Variants in SMARCD3 observed in about 807,000 individuals in gnomAD.
The protein encoded by SMARCD3 is SWI/SNF related BAF chromatin remodeling complex subunit D3, also known as SWI/SNF-related matrix-associated actin-dependent regulator of chromatin subfamily D member 3.
SMARCD3 carries 14 observed loss-of-function variants against 58.0 expected under a neutral mutation model. The observed-to-expected ratio is 0.24, with a 90% CI of 0.16 to 0.38. The LOEUF is 0.38. SMARCD3 is among the 10% of genes least tolerant of loss of function. SMARCD3 has a pLI of 1.00. For missense variants in SMARCD3, 408 were observed against 636.9 expected (o/e 0.64, Z 3.87); for synonymous variants, 253 against 253.8 (o/e 1.00, Z 0.03).
chr7:151,275,185 C>T (rs780961796), exon 2 of SMARCD3: 5 of 1,604,182 alleles, frequency 3.1e-6, no homozygotes, highest in South Asian at 1.1e-5. Flanking sequence ...GAGAGTCATC[C>T]AGTGCCCCCT....
At position 151,239,671 on chromosome 7, in the gene SMARCD3, T is replaced by C; in HGVS notation, c.1249A>G (p.Lys417Glu). Residue 417 changes from lysine to glutamate, a missense_variant, in exon 11 of 13, where the codon AAA (lysine) becomes GAA (glutamate). Coordinates refer to ENST00000262188, the MANE Select transcript of SMARCD3 (RefSeq NM_001003801.2). This position sits in a 1 kb window ranked among gnomAD's most constrained non-coding sequence, Gnocchi z 7.0. ...DFMLSFSRDP[K>E]GYVQDLLRSQ... ...CGGAGCAGGTCTTGGACATAGCCTT[T>C]GGGGTCTCTGGAGAAGCTTAGCATG... 6.2e-7 allele frequency: 1 copy of C among 1,614,102 alleles called. No individual in the cohort carries two copies. Among genetic ancestry groups the C allele is most frequent in the Non-Finnish European group, 8.5e-7 (1 of 1,180,016 alleles).
At position 151,241,765 on chromosome 7, in the gene SMARCD3, G is replaced by A. The variant is rs1379567778; in HGVS notation, c.777+112C>T. The stretch of plus-strand genomic sequence containing the variant: ...TTGATTGAGGAAACATGCCCCTGGG[G>A]AAGGATAGGTTTGGGAGGGGAAGGA... On this transcript the variant is annotated intron_variant, in intron 7 of 12. Transcript: ENST00000262188. This position sits in a 1 kb window ranked among gnomAD's most constrained non-coding sequence, Gnocchi z 5.3. 2 of 1,384,102 alleles carry A rather than the reference G, an allele frequency of 1.4e-6. No homozygotes were observed. Among genetic ancestry groups the A allele is most frequent in the African/African-American group, 1.4e-5 (1 of 70,254 alleles). 85.7% of individuals were successfully genotyped at this position (1,384,102 alleles called of 1,614,324 possible). A position where few individuals can be genotyped will look rare whatever the true frequency, so the allele number is the denominator to read the frequency against.
Position 151,238,884 on chromosome 7 carries a change from T to C in SMARCD3, c.*219A>G. ...GAATCCAAGGGAAGGGAATGGGGAG[T>C]CGTCCCGAGGGACCCACTGCCTCCC... On this transcript the variant is annotated 3_prime_UTR_variant, in exon 13 of 13. Transcript: ENST00000262188. The C allele has an allele frequency of 7.7e-7, 1 of 1,297,586 alleles. No individual in the cohort carries two copies. Among genetic ancestry groups the C allele is most frequent in the Non-Finnish European group, 1.1e-6 (1 of 939,662 alleles). 80.4% of individuals were successfully genotyped at this position (1,297,586 alleles called of 1,614,324 possible). A position where few individuals can be genotyped will look rare whatever the true frequency, so the allele number is the denominator to read the frequency against.
At position 151,245,585 on chromosome 7, in the gene SMARCD3, G is replaced by C. The variant is rs1050363047; in HGVS notation, c.165C>G (p.Ala55=). The change falls in exon 2 of 13, where the codon GCC becomes GCG. Residue 55 remains alanine, a synonymous_variant. Coordinates refer to ENST00000262188, the MANE Select transcript of SMARCD3 (RefSeq NM_001003801.2). This position sits in a 1 kb window ranked among gnomAD's most constrained non-coding sequence, Gnocchi z 6.2. ...CCGCGGGGGCCAGGCCGGGTCGCAC[G>C]GCGGGGCTGCCCATGTACGGGGAGC... ...PPGSPYMGSP[A]VRPGLAPAGM... 1 of 1,165,038 alleles carries C rather than the reference G, an allele frequency of 8.6e-7. No homozygotes were observed. Among genetic ancestry groups the C allele is most frequent in the African/African-American group, 1.6e-5 (1 of 63,058 alleles). 72.2% of individuals were successfully genotyped at this position (1,165,038 alleles called of 1,614,324 possible).
intron 2 of SMARCD3, among the ~76,000 whole-genome samples, chr7:151,272,670 G>A (rs545371523): frequency 6.6e-6 from 1 of 152,232 alleles, no homozygotes; most frequent in South Asian, 2.1e-4. Context: ...TCAAGAAACC[G>A]AACGCGCTAT....
At chr7:151,274,010 AGCCCCAG>A (rs1166750253) in intron 2 of SMARCD3, among the ~76,000 whole-genome samples, 1 of 152,254 alleles carries the variant, frequency 6.6e-6, no homozygotes, top group African/African-American at 2.4e-5. Context: ...TTCTGCCCAC[AGCCCCAG>A]GCCTCCCCGA....
chr7:151,239,520 C>T lies in SMARCD3; in HGVS notation c.1297-23G>A. 6.2e-7 allele frequency: 1 copy of T among 1,609,608 alleles called. No homozygotes were observed. The highest frequency in any genetic ancestry group is 8.5e-7 in the Non-Finnish European group (1 of 1,176,316). On this transcript the variant is annotated intron_variant, in intron 11 of 12. Transcript: ENST00000262188. The surrounding 1 kb of genome is among the most constrained non-coding windows in gnomAD (Gnocchi z 7.0). The stretch of plus-strand genomic sequence containing the variant: ...CACCTGGGAGGGAGCGTGGGGTGAG[C>T]CCTGAGCCCTGAATCCCCTCACCTG...
At chr7:151,250,035 T>A (rs745524473), upstream of SMARCD3, among the ~76,000 whole-genome samples, 3 of 152,042 alleles carry the variant, frequency 2.0e-5, no homozygotes, top group Non-Finnish European at 4.4e-5. Flanking sequence ...CATAGCCTAG[T>A]GCCTAGGGGA....
At position 151,268,400 on chromosome 7, in the gene SMARCD3, G is replaced by C. The variant is rs534530563; in HGVS notation, c.39+6714C>G. Among the ~76,000 whole-genome samples, 6 of 152,290 alleles carry C rather than the reference G, an allele frequency of 3.9e-5. No individual in the cohort carries two copies. The South Asian group carries it at 1.2e-3, about 32-fold the overall frequency. On this transcript the variant is annotated intron_variant, in intron 2 of 13. Coordinates refer to the SMARCD3 transcript ENST00000356800. ...CTCCTCCCCATTCCCTATTTTAGGG[G>C]TTACAAACTCAAATGACCCTAGGGA...
At chr7:151,252,757 C>G (rs1397302271), upstream of SMARCD3, among the ~76,000 whole-genome samples, 1 of 152,054 alleles carries the variant, frequency 6.6e-6, no homozygotes, top group Admixed American at 6.5e-5. Context: ...GCATCAGGCA[C>G]CTTCCTCCTC....
intron 2 of SMARCD3, among the ~76,000 whole-genome samples, chr7:151,272,973 A>G (rs1795226319): frequency 6.6e-6 from 1 of 151,952 alleles, no homozygotes; most frequent in African/African-American, 2.4e-5. Context: ...TATCTCCACC[A>G]CTTAATTTTC....
chr7:151,266,260 G>A (rs556300926), intron 2 of SMARCD3, among the ~76,000 whole-genome samples: 1 of 151,716 alleles, frequency 6.6e-6, no homozygotes, highest in South Asian at 2.1e-4. Context: ...GTGAGCCACC[G>A]CACCCGGCCA....
intron 9 of SMARCD3, 82 bp downstream of exon 9, chr7:151,240,343 G>T: frequency 6.3e-7 from 1 of 1,595,432 alleles, no homozygotes; most frequent in Non-Finnish European, 8.6e-7. Context: ...GAGAAGAGAT[G>T]GGAGTGGGAG....
At chr7:151,263,903 G>T (rs1803996937) in intron 2 of SMARCD3, among the ~76,000 whole-genome samples, 1 of 152,130 alleles carries the variant, frequency 6.6e-6, no homozygotes. Flanking sequence ...GCTCACAGGG[G>T]TGACTCCACC....
rs1407754518 is a variant in SMARCD3 at position 151,239,314 on chromosome 7, C to T, written c.1398+82G>A. 41 of 1,344,834 alleles carry T rather than the reference C, an allele frequency of 3.0e-5. No individual in the cohort carries two copies. The highest frequency in any genetic ancestry group is 3.5e-5 in the South Asian group (3 of 85,488). 83.3% of individuals were successfully genotyped at this position (1,344,834 alleles called of 1,614,324 possible). Reference sequence around the variant, plus strand: ...GGTGAAGCTTTACTGTGGGGAGCTGCGAGGGCTGCCCACAAGCTGAACAGG... The same window carrying T: ...GGTGAAGCTTTACTGTGGGGAGCTGTGAGGGCTGCCCACAAGCTGAACAGG... On this transcript the variant is annotated intron_variant, in intron 12 of 12. Coordinates refer to ENST00000262188, the MANE Select transcript of SMARCD3 (RefSeq NM_001003801.2). This position sits in a 1 kb window ranked among gnomAD's most constrained non-coding sequence, Gnocchi z 7.0.
intron 2 of SMARCD3, among the ~76,000 whole-genome samples, chr7:151,264,484 C>T (rs1246565594): frequency 6.6e-6 from 1 of 152,138 alleles, no homozygotes; most frequent in Non-Finnish European, 1.5e-5. Context: ...GTAGGCCATC[C>T]CGAAGCCCAG....
chr7:151,241,320 G>C lies in SMARCD3; in HGVS notation c.939+172C>G. On this transcript the variant is annotated intron_variant, in intron 8 of 12. Coordinates refer to ENST00000262188, the MANE Select transcript of SMARCD3 (RefSeq NM_001003801.2). This position sits in a 1 kb window ranked among gnomAD's most constrained non-coding sequence, Gnocchi z 5.3. ...TGCAGCACAGAGCTAATCCACAGTA[G>C]GGCCTGAACTAGAATCCTGGTCGGT... 2.9e-6 allele frequency: 2 copies of C among 692,098 alleles called. No individual in the cohort carries two copies. The highest frequency in any genetic ancestry group is 5.2e-6 in the Non-Finnish European group (2 of 383,576). 42.9% of individuals were successfully genotyped at this position (692,098 alleles called of 1,614,324 possible).
rs935810080 is a variant in SMARCD3 at position 151,265,406 on chromosome 7, C to T, written c.39+9708G>A. 4.6e-5 allele frequency among the ~76,000 whole-genome samples: 7 copies of T among 152,222 alleles called. 1 individual carries two copies. In the South Asian group the frequency reaches 1.2e-3, roughly 27 times the overall value. ...TCAGAAGGAACCAACCCCGCTGACA[C>T]CTTGATTTCAGACTTCCAGCCTCCG... On this transcript the variant is annotated intron_variant, in intron 2 of 13. Coordinates refer to the SMARCD3 transcript ENST00000356800.
intron 2 of SMARCD3, among the ~76,000 whole-genome samples, chr7:151,274,715 T>C (rs1391880286): frequency 6.6e-6 from 1 of 152,184 alleles, no homozygotes; most frequent in Non-Finnish European, 1.5e-5. Context: ...CGCTTCTTCA[T>C]GTACGCAGTG....
Sources: allele counts gnomAD v4.1 joint callset (sites outside exome capture counted in the v4.1 genomes callset), GRCh38; gene constraint gnomAD v4.1.1; non-coding constraint Gnocchi (gnomAD v3.1); transcripts MANE v1.5; gene names NCBI Gene and HGNC (gene_info 2026-07-23, HGNC 2026-07-21).